The following DPYD variants were observed in gnomAD, a reference collection of about 807,000 sequenced individuals.
The protein encoded by DPYD is dihydropyrimidine dehydrogenase [NADP(+)].
DPYD carries 109 observed loss-of-function variants against 116.2 expected under a neutral mutation model. The ratio of observed to expected loss-of-function variants is 0.94; its 90% CI spans 0.80 to 1.10. The LOEUF (loss-of-function observed/expected upper bound fraction) is 1.10. Ranked by LOEUF, DPYD falls within the 50% of genes least tolerant of loss-of-function variation. The probability of loss-of-function intolerance (pLI) is 0.00; values close to 1 mark genes in which losing one functional copy is unlikely to be tolerated. For synonymous variants in DPYD, 440 were observed against 432.0 expected (o/e 1.02, Z -0.23); for missense variants, 1,302 against 1,254.5 (o/e 1.04, Z -0.57).
chr1:97,738,506 GA>G (rs1468181787), intron 4 of DPYD, among the ~76,000 whole-genome samples: 1 of 152,018 alleles, frequency 6.6e-6, no homozygotes, highest in Non-Finnish European at 1.5e-5. Flanking sequence ...TGAGTCTGGC[GA>G]TTCAATTACC....
intron 14 of DPYD, among the ~76,000 whole-genome samples, chr1:97,427,339 C>T (rs994147925): frequency 6.6e-6 from 1 of 151,854 alleles, no homozygotes. Flanking sequence ...CCAACATAAA[C>T]CTACTCTTAT....
chr1:97,079,792 C>T (rs936873591), intron 22 of DPYD, among the ~76,000 whole-genome samples: 5 of 152,080 alleles, frequency 3.3e-5, no homozygotes, highest in Non-Finnish European at 5.9e-5. Context: ...CAGATTACCA[C>T]AGCCAGGCCT....
chr1:97,370,404 C>T (rs1671256257), intron 16 of DPYD, among the ~76,000 whole-genome samples: 1 of 152,062 alleles, frequency 6.6e-6, no homozygotes, highest in South Asian at 2.1e-4. Flanking sequence ...TCATCACACA[C>T]CGGGGCCTGT....
intron 20 of DPYD, among the ~76,000 whole-genome samples, chr1:97,112,777 C>T (rs1335141072): frequency 6.6e-6 from 1 of 152,106 alleles, no homozygotes; most frequent in African/African-American, 2.4e-5. Context: ...GGCACTTTGT[C>T]TCCAGTTTGT....
At chr1:97,096,936 A>C (rs1039215883) in intron 21 of DPYD, among the ~76,000 whole-genome samples, 3 of 152,160 alleles carry the variant, frequency 2.0e-5, no homozygotes, top group African/African-American at 7.2e-5. Context: ...CCACGGCTTC[A>C]TTCTCGAAGT....
intron 4 of DPYD, among the ~76,000 whole-genome samples, chr1:97,734,911 G>T (rs1354980819): frequency 1.3e-5 from 2 of 152,130 alleles, no homozygotes; most frequent in Non-Finnish European, 2.9e-5. Context: ...ACCAGAAAGA[G>T]AAATTAAAAT....
intron 6 of DPYD, among the ~76,000 whole-genome samples, chr1:97,696,791 T>C (rs1171589202): frequency 6.6e-6 from 1 of 152,166 alleles, no homozygotes; most frequent in Non-Finnish European, 1.5e-5. Flanking sequence ...TTCAGTTTAT[T>C]ACTATAGAGA....
At chr1:97,842,671 A>G (rs1004719945) in intron 2 of DPYD, among the ~76,000 whole-genome samples, 2 of 152,046 alleles carry the variant, frequency 1.3e-5, no homozygotes, top group Non-Finnish European at 1.5e-5. Context: ...TAGTTCTACA[A>G]AGTTATCAGC....
intron 10 of DPYD, among the ~76,000 whole-genome samples, chr1:97,591,254 C>CGT (rs1294862127): frequency 1.3e-5 from 2 of 152,208 alleles, no homozygotes; most frequent in African/African-American, 4.8e-5. Context: ...ATCTCTCACA[C>CGT]ACTCATTATA....
chr1:97,126,503 C>T (rs1418891661), intron 20 of DPYD, among the ~76,000 whole-genome samples: 1 of 152,064 alleles, frequency 6.6e-6, no homozygotes, highest in Admixed American at 6.6e-5. Context: ...TGCTGGGTCT[C>T]ATATACCCTT....
chr1:97,216,233 G>A (rs182893762), intron 19 of DPYD, among the ~76,000 whole-genome samples: 30 of 152,216 alleles, frequency 2.0e-4, no homozygotes, highest in Admixed American at 1.6e-3. Flanking sequence ...TAACTTTGAT[G>A]CCATAAACCA....
At chr1:97,410,429 A>G (rs116406354) in intron 14 of DPYD, among the ~76,000 whole-genome samples, 2,241 of 152,328 alleles carry the variant, frequency 0.015, 29 homozygotes, top group Non-Finnish European at 0.025. Flanking sequence ...TTGACATTAA[A>G]TAGTTTTCAA....
intron 19 of DPYD, among the ~76,000 whole-genome samples, chr1:97,216,514 C>T (rs1008677327): frequency 2.6e-5 from 4 of 152,142 alleles, no homozygotes; most frequent in African/African-American, 4.8e-5. Context: ...GTGAGAGAAG[C>T]GGGGCACAGT....
chr1:97,810,508 C>T (rs17117234), intron 3 of DPYD, among the ~76,000 whole-genome samples: 4,643 of 152,098 alleles, frequency 0.031, 228 homozygotes, highest in African/African-American at 0.1. Flanking sequence ...TGTACACTCT[C>T]ACCAATACAG....
chr1:97,892,339 T>C (rs1672821498), intron 1 of DPYD, among the ~76,000 whole-genome samples: 1 of 151,786 alleles, frequency 6.6e-6, no homozygotes, highest in South Asian at 2.1e-4. Flanking sequence ...GTCTCTTGTT[T>C]AAAAGCCCCA....
chr1:97,482,906 A>G (rs1398612857), intron 13 of DPYD, among the ~76,000 whole-genome samples: 2 of 152,156 alleles, frequency 1.3e-5, no homozygotes, highest in Non-Finnish European at 2.9e-5. Context: ...TAAACTCATT[A>G]TATTTTATGT....
At chr1:97,651,625 C>T (rs1316290563) in intron 8 of DPYD, among the ~76,000 whole-genome samples, 1 of 152,140 alleles carries the variant, frequency 6.6e-6, no homozygotes, top group Non-Finnish European at 1.5e-5. Context: ...AAACTTACTG[C>T]TTCCATTCTG....
At chr1:97,249,869 C>A (rs746577739) in intron 18 of DPYD, among the ~76,000 whole-genome samples, 1 of 152,078 alleles carries the variant, frequency 6.6e-6, no homozygotes, top group Non-Finnish European at 1.5e-5. Flanking sequence ...CATGAGACAC[C>A]ATTTTAGGCC....
chr1:97,617,382 A>G (rs1656356281), intron 8 of DPYD, among the ~76,000 whole-genome samples: 1 of 152,204 alleles, frequency 6.6e-6, no homozygotes, highest in Non-Finnish European at 1.5e-5. Flanking sequence ...ACACTAAGCA[A>G]CAGTGGCTGT....
Sources: gnomAD v4.1 joint callset for allele counts (sites outside exome capture counted in the v4.1 genomes callset) on GRCh38, gnomAD v4.1.1 for gene constraint, MANE v1.5 for transcripts, NCBI Gene and HGNC (gene_info 2026-07-23, HGNC 2026-07-21) for gene names.